GSG1L: variants seen among roughly 807,000 people sequenced by gnomAD.
GSG1L encodes the protein germ cell-specific gene 1-like protein.
In GSG1L, 24 loss-of-function variants were observed where a neutral mutation model predicts 42.1. The ratio of observed to expected loss-of-function variants is 0.57; its 90% CI spans 0.41 to 0.80. The LOEUF (loss-of-function observed/expected upper bound fraction) is 0.80. Among genes scored for constraint, GSG1L ranks in the 30% least tolerant of loss-of-function variants. GSG1L has a pLI of 0.00. For missense variants in GSG1L, 445 were observed against 472.2 expected, an observed-to-expected ratio of 0.94 and a Z score of 0.53; for synonymous variants, 215 against 203.5, an observed-to-expected ratio of 1.06 and a Z score of -0.48.
intron 1 of GSG1L, among the ~76,000 whole-genome samples, chr16:27,996,868 CT>C (rs1328482553): frequency 1.3e-5 from 2 of 152,226 alleles, no homozygotes; most frequent in Non-Finnish European, 2.9e-5. Context: ...TCAATCAATT[CT>C]CCTGCCTCAG....
chr16:27,845,844 T>C (rs563458781), intron 3 of GSG1L, among the ~76,000 whole-genome samples: 23 of 152,362 alleles, frequency 1.5e-4, no homozygotes, highest in African/African-American at 5.5e-4. Flanking sequence ...AGGAATTCTT[T>C]GTGTATTCTG....
At chr16:27,826,157 T>A (rs1473400255) in intron 5 of GSG1L, among the ~76,000 whole-genome samples, 1 of 151,946 alleles carries the variant, frequency 6.6e-6, no homozygotes, top group Non-Finnish European at 1.5e-5. Context: ...AGTAGAAAGG[T>A]CCCAAGGTGG....
At chr16:27,794,399 C>G (rs147981589) in intron 6 of GSG1L, among the ~76,000 whole-genome samples, 1 of 151,630 alleles carries the variant, frequency 6.6e-6, no homozygotes, top group African/African-American at 2.4e-5. Flanking sequence ...GGCGCGATCT[C>G]GGCTCACTGC....
chr16:27,968,641 G>A (rs926194415), intron 1 of GSG1L, among the ~76,000 whole-genome samples: 6 of 151,970 alleles, frequency 3.9e-5, no homozygotes, highest in East Asian at 1.9e-4. Context: ...TGGGCCCTCC[G>A]CTCTGTGCCT....
intron 6 of GSG1L, 30 bp from the exon 7 acceptor site, chr16:27,791,497 A>C: frequency 7.1e-7 from 1 of 1,414,596 alleles, no homozygotes; most frequent in Non-Finnish European, 9.4e-7. Context: ...TCAGTGCTGA[A>C]AGCCACCTTC....
rs1001363486 is a variant in GSG1L at position 27,916,188 on chromosome 16, G to A, written c.398-31550C>T. On this transcript the variant is annotated intron_variant, in intron 2 of 6. Transcript: ENST00000447459. ...TCTGCAGTATAATTCACACTCCAGA[G>A]CTTCCCAGGGGGTCAGTCTCTGGGG... Among the ~76,000 whole-genome samples the A allele has an allele frequency of 2.0e-5, 3 of 152,194 alleles. No homozygotes were observed. The East Asian group carries it at 5.8e-4, about 29-fold the overall frequency.
intron 1 of GSG1L, among the ~76,000 whole-genome samples, chr16:28,002,405 G>A (rs923523982): frequency 6.6e-6 from 1 of 152,152 alleles, no homozygotes; most frequent in Admixed American, 6.5e-5. Context: ...AGGACCACTT[G>A]AGCCCAGGAG....
intron 3 of GSG1L, among the ~76,000 whole-genome samples, chr16:27,871,911 G>A (rs1350520545): frequency 6.6e-6 from 1 of 152,186 alleles, no homozygotes; most frequent in Non-Finnish European, 1.5e-5. Context: ...GACTGCTAGT[G>A]GCATGGGGTT....
intron 1 of GSG1L, among the ~76,000 whole-genome samples, chr16:27,986,928 G>C (rs1356085470): frequency 6.6e-6 from 1 of 152,212 alleles, no homozygotes; most frequent in Non-Finnish European, 1.5e-5. Context: ...AAATGAAATT[G>C]GTCTCAGTTC....
At chr16:27,891,134 G>A (rs559381281) in intron 2 of GSG1L, among the ~76,000 whole-genome samples, 3 of 152,294 alleles carry the variant, frequency 2.0e-5, no homozygotes, top group Admixed American at 1.3e-4. Context: ...CCCGTGCCAA[G>A]TGTAAGCTGG....
rs530167317 is a variant in GSG1L, at chr16:28,053,609, G to A, written c.349+9467C>T. On this transcript the variant is annotated intron_variant, in intron 1 of 6. Coordinates refer to ENST00000447459, the MANE Select transcript of GSG1L (RefSeq NM_001109763.2). ...CTCCTGGAAAAGAGCAAGGCGAGGC[G>A]GGAAGGGCCACGTGTGCTGCTACCG... 4.6e-5 allele frequency among the ~76,000 whole-genome samples: 7 copies of A among 152,292 alleles called. No individual in the cohort carries two copies. In the South Asian group the frequency reaches 1.0e-3, roughly 23 times the overall value.
Position 27,884,888 on chromosome 16 carries a change from G to A in GSG1L, c.398-250C>T, listed in dbSNP as rs906729126. ...GGGAAGAACTTTTATCCTGTGGCTG[G>A]ACCAAGGGCTCCCTTTCTTTCTCAT... On this transcript the variant is annotated intron_variant, in intron 2 of 6. Coordinates refer to ENST00000447459, the MANE Select transcript of GSG1L (RefSeq NM_001109763.2). The surrounding 1 kb of genome is among the most constrained non-coding windows in gnomAD (Gnocchi z 4.4). Among the ~76,000 whole-genome samples, 1 of 152,116 alleles carries A rather than the reference G, an allele frequency of 6.6e-6. No individual in the cohort carries two copies. Among genetic ancestry groups the A allele is most frequent in the East Asian group, 1.9e-4 (1 of 5,194 alleles).
At chr16:27,797,539 A>G (rs2082832119) in intron 6 of GSG1L, among the ~76,000 whole-genome samples, 2 of 100,420 alleles carry the variant, frequency 2.0e-5, no homozygotes, top group Non-Finnish European at 4.1e-5. Context: ...AAAAAAAAAA[A>G]GGGCCGGGCG....
intron 4 of GSG1L, among the ~76,000 whole-genome samples, chr16:27,841,636 A>T (rs79664661): frequency 6.6e-6 from 1 of 152,138 alleles, no homozygotes; most frequent in Non-Finnish European, 1.5e-5. Flanking sequence ...CGAGGCCCCA[A>T]ATGTGAGGGA....
chr16:27,869,661 A>ATCTC (rs779110182), intron 3 of GSG1L, among the ~76,000 whole-genome samples: 3 of 61,404 alleles, frequency 4.9e-5, no homozygotes, highest in African/African-American at 1.9e-4. Context: ...GTCTTCCTCC[A>ATCTC]TCTCTCTCTC....
chr16:27,848,906 G>T (rs756025749), intron 3 of GSG1L, among the ~76,000 whole-genome samples: 18 of 151,784 alleles, frequency 1.2e-4, no homozygotes, highest in African/African-American at 4.1e-4. Flanking sequence ...TGAGCAAGGG[G>T]TAGGATGGGC....
intron 1 of GSG1L, among the ~76,000 whole-genome samples, chr16:28,009,242 C>T (rs1465520089): frequency 1.3e-5 from 2 of 152,204 alleles, no homozygotes; most frequent in Admixed American, 6.5e-5. Flanking sequence ...CTCGCAGCTC[C>T]CTGCACACAC....
At chr16:27,817,290 T>C (rs577062362) in intron 5 of GSG1L, among the ~76,000 whole-genome samples, 5 of 152,226 alleles carry the variant, frequency 3.3e-5, no homozygotes, top group Admixed American at 2.6e-4. Context: ...CTGCCCCTGC[T>C]CCAGGCTGTC....
Position 27,788,693 on chromosome 16 carries a change from C to G in GSG1L, c.*2677G>C, listed in dbSNP as rs1464572517. Reference sequence around the variant, plus strand: ...CTCCCTAGACTACAGCTCCCACAGCCCCGATTTCCCCTTGTTGTCCTGTTA... The same window carrying G: ...CTCCCTAGACTACAGCTCCCACAGCGCCGATTTCCCCTTGTTGTCCTGTTA... On this transcript the variant is annotated 3_prime_UTR_variant, in exon 7 of 7. Transcript: ENST00000447459. 1 of 152,234 alleles carries G rather than the reference C, an allele frequency of 6.6e-6. No homozygotes were observed. Among genetic ancestry groups the G allele is most frequent in the Non-Finnish European group, 1.5e-5 (1 of 68,056 alleles). 9.4% of individuals were successfully genotyped at this position (152,234 alleles called of 1,614,324 possible). A position where few individuals can be genotyped will look rare whatever the true frequency, so the allele number is the denominator to read the frequency against.
Sources: allele counts gnomAD v4.1 joint callset (sites outside exome capture counted in the v4.1 genomes callset), GRCh38; gene constraint gnomAD v4.1.1; non-coding constraint Gnocchi (gnomAD v3.1); transcripts MANE v1.5; gene names NCBI Gene and HGNC (gene_info 2026-07-23, HGNC 2026-07-21).